Variants in ARMH4 observed in about 807,000 individuals in gnomAD.
ARMH4 encodes armadillo-like helical domain-containing protein 4.
A neutral mutation model predicts 61.9 loss-of-function variants in ARMH4; 49 were observed. That is an observed-to-expected ratio of 0.79 (90% CI 0.63 to 1.00). ARMH4 has a LOEUF of 1.00. Among genes scored for constraint, ARMH4 ranks in the 50% least tolerant of loss-of-function variants. The probability of loss-of-function intolerance (pLI) is 0.00; values close to 1 mark genes in which losing one functional copy is unlikely to be tolerated. For synonymous variants in ARMH4, 368 were observed against 341.5 expected, an observed-to-expected ratio of 1.08 and a Z score of -0.85; for missense variants, 934 against 930.0, an observed-to-expected ratio of 1.00 and a Z score of -0.06.
intron 5 of ARMH4, among the ~76,000 whole-genome samples, chr14:58,064,086 C>T (rs968313564): frequency 6.7e-6 from 1 of 149,876 alleles, no homozygotes; most frequent in Non-Finnish European, 1.5e-5. Context: ...TGAGCCAACA[C>T]CCAAAATGTT....
Position 58,133,324 on chromosome 14 carries a change from T to A in ARMH4, c.1387A>T (p.Met463Leu). The A allele has an allele frequency of 6.2e-7, 1 of 1,613,022 alleles. No individual in the cohort carries two copies. Among genetic ancestry groups the A allele is most frequent in the Non-Finnish European group, 8.5e-7 (1 of 1,179,772 alleles). ...NTMKDIITQE[M>L]TTAVQEPDAT... ...TCTGGCTCTTGAACAGCTGTTGTCA[T>A]CTCTTGAGTGATGATGTCTTAAAGG... is the stretch of plus-strand genomic sequence containing the variant. Residue 463 changes from methionine to leucine, a missense_variant, in exon 3 of 8, where the codon ATG (methionine) becomes TTG (leucine). Transcript: ENST00000267485.
intron 5 of ARMH4, among the ~76,000 whole-genome samples, chr14:58,029,079 C>A (rs1434818510): frequency 6.6e-6 from 1 of 152,070 alleles, no homozygotes; most frequent in East Asian, 1.9e-4. Context: ...AAACCCTAGA[C>A]CTAAAAGCAG....
intron 5 of ARMH4, among the ~76,000 whole-genome samples, chr14:58,091,006 C>G (rs1237527920): frequency 1.3e-5 from 2 of 151,698 alleles, no homozygotes; most frequent in Non-Finnish European, 2.9e-5. Context: ...CACTTGAGGT[C>G]AGGAGTTCGA....
At chr14:58,063,058 C>G (rs576571372) in intron 5 of ARMH4, among the ~76,000 whole-genome samples, 1 of 152,300 alleles carries the variant, frequency 6.6e-6, no homozygotes, top group Non-Finnish European at 1.5e-5. Context: ...GGCCATGATC[C>G]CTACAGAGCC....
At chr14:58,068,887 A>T (rs559620718) in intron 5 of ARMH4, among the ~76,000 whole-genome samples, 37 of 152,056 alleles carry the variant, frequency 2.4e-4, no homozygotes, top group African/African-American at 8.4e-4. Context: ...CGCACCTGTA[A>T]TCCCAGCTAC....
intron 5 of ARMH4, among the ~76,000 whole-genome samples, chr14:58,072,601 A>G (rs977957379): frequency 2.6e-5 from 4 of 152,056 alleles, no homozygotes; most frequent in Non-Finnish European, 5.9e-5. Context: ...GTGCACCTGT[A>G]ATCCCAGCTA....
At chr14:58,035,098 T>C (rs1280918512) in intron 5 of ARMH4, among the ~76,000 whole-genome samples, 3 of 147,974 alleles carry the variant, frequency 2.0e-5, no homozygotes, top group Admixed American at 2.0e-4. Context: ...CAACAGAATA[T>C]ACATTTTTTT....
At chr14:58,088,192 A>C (rs1885441099) in intron 5 of ARMH4, among the ~76,000 whole-genome samples, 1 of 152,298 alleles carries the variant, frequency 6.6e-6, no homozygotes. Context: ...TGCATTTAAA[A>C]CCTACTAAAA....
intron 1 of ARMH4, among the ~76,000 whole-genome samples, chr14:58,149,380 T>C (rs962960154): frequency 6.6e-6 from 1 of 152,060 alleles, no homozygotes; most frequent in African/African-American, 2.4e-5. Context: ...TCCATCACAA[T>C]GGAAGGAGGG....
Position 58,096,935 on chromosome 14 carries a change from T to A in ARMH4, c.1878A>T (p.Glu626Asp), listed in dbSNP as rs1418653304. The change falls in exon 5 of 8, where the codon GAA (glutamate) becomes GAT (aspartate). Residue 626 changes from glutamate (E) to aspartate (D), a missense_variant. Coordinates refer to ENST00000267485, the MANE Select transcript of ARMH4 (RefSeq NM_001001872.4). ...CATCTTCTTCCTCATCTTCCTCTTC[T>A]TCATCTTCATCTTCTTCATCCTCTT... ...EDEEDEEDED[E>D]EEEDEEEDEE... 1 of 1,613,094 alleles carries A rather than the reference T, an allele frequency of 6.2e-7. No homozygotes were observed.
At chr14:58,084,323 G>A (rs1885316728) in intron 5 of ARMH4, among the ~76,000 whole-genome samples, 1 of 152,142 alleles carries the variant, frequency 6.6e-6, no homozygotes, top group Non-Finnish European at 1.5e-5. Context: ...TGGATCCTGA[G>A]CTGTTAGGTC....
chr14:58,135,536 T>C (rs1887275338), intron 2 of ARMH4, among the ~76,000 whole-genome samples: 1 of 145,608 alleles, frequency 6.9e-6, no homozygotes, highest in African/African-American at 2.8e-5. Flanking sequence ...CTTGAATAAA[T>C]AATTGCTGTT....
intron 5 of ARMH4, among the ~76,000 whole-genome samples, chr14:58,050,272 A>C (rs1884092938): frequency 6.6e-6 from 1 of 152,230 alleles, no homozygotes; most frequent in African/African-American, 2.4e-5. Context: ...GGCAGGGACA[A>C]AGAGACCCTC....
At chr14:58,059,867 GT>G (rs1021845345) in intron 5 of ARMH4, among the ~76,000 whole-genome samples, 1 of 151,870 alleles carries the variant, frequency 6.6e-6, no homozygotes, top group Admixed American at 6.6e-5. Context: ...TGAGCTCCCT[GT>G]TTTTTTTGAG....
intron 5 of ARMH4, among the ~76,000 whole-genome samples, chr14:58,013,363 T>C (rs193260733): frequency 3.2e-4 from 49 of 152,174 alleles, no homozygotes; most frequent in African/African-American, 1.2e-3. Flanking sequence ...ATGTCATAAA[T>C]ATTTTTCTTT....
intron 5 of ARMH4, among the ~76,000 whole-genome samples, chr14:58,038,444 C>A (rs1883560646): frequency 7.6e-6 from 1 of 131,122 alleles, no homozygotes. Flanking sequence ...GGAGATATAC[C>A]TAATGCTAGA....
In ARMH4 at chr14:58,081,670, T is replaced by A. The variant is rs1213479784; in HGVS notation, c.2089+15054A>T. Among the ~76,000 whole-genome samples, 5 of 151,868 alleles carry A rather than the reference T, an allele frequency of 3.3e-5. No individual in the cohort carries two copies. In the East Asian group the frequency reaches 9.7e-4, roughly 29 times the overall value. On this transcript the variant is annotated intron_variant, in intron 5 of 7. Coordinates refer to ENST00000267485, the MANE Select transcript of ARMH4 (RefSeq NM_001001872.4). The stretch of plus-strand genomic sequence containing the variant: ...CACCCACCACCACGCCTGGCTAATT[T>A]TTTTGTATTTTTTAGTGAAGATGGG...
intron 4 of ARMH4, among the ~76,000 whole-genome samples, chr14:58,102,458 T>C (rs187356027): frequency 1.4e-4 from 21 of 152,158 alleles, no homozygotes; most frequent in African/African-American, 5.1e-4. Context: ...TTAAAGATCT[T>C]GAGATGAAAT....
At chr14:58,006,874 C>T (rs930529464) in intron 6 of ARMH4, among the ~76,000 whole-genome samples, 2 of 151,810 alleles carry the variant, frequency 1.3e-5, no homozygotes, top group African/African-American at 2.4e-5. Context: ...CAAACCTGCA[C>T]GTTGTGCACC....
Sources: allele counts gnomAD v4.1 joint callset (sites outside exome capture counted in the v4.1 genomes callset), GRCh38; gene constraint gnomAD v4.1.1; transcripts MANE v1.5; gene names NCBI Gene and HGNC (gene_info 2026-07-23, HGNC 2026-07-21).